The following TTC21B variants were observed in gnomAD, a reference collection of about 807,000 sequenced individuals.
The protein encoded by TTC21B is tetratricopeptide repeat domain 21B.
In TTC21B, 127 loss-of-function variants were observed where a neutral mutation model predicts 175.1. The ratio of observed to expected loss-of-function variants is 0.73; its 90% confidence interval spans 0.63 to 0.84. The LOEUF is 0.84. TTC21B is among the 40% of genes least tolerant of loss of function. The probability of loss-of-function intolerance (pLI) is 0.00; values close to 1 mark genes in which losing one functional copy is unlikely to be tolerated. For missense variants in TTC21B, 1,561 were observed against 1,558.3 expected (o/e 1.00, Z -0.03); for synonymous variants, 524 against 524.5 (o/e 1.00, Z 0.01).
At position 165,932,964 on chromosome 2, in the gene TTC21B, GC is replaced by G. The variant is rs1686967605; in HGVS notation, c.795+8del. ...ATATAGGAAACTTAAATAATACAATGCCACTTACCTTCTCTATATCCCCCTC... is the reference window on the plus strand; with the variant it reads ...ATATAGGAAACTTAAATAATACAATGCACTTACCTTCTCTATATCCCCCTC... On this transcript the variant is annotated splice_region_variant and intron_variant, in intron 7 of 28. Transcript: ENST00000243344. 6.2e-7 allele frequency: 1 copy of G among 1,608,196 alleles called. No homozygotes were observed. The highest frequency in any genetic ancestry group is 1.3e-5 in the African/African-American group (1 of 74,790).
At chr2:165,948,053 G>A (rs1200129580) in intron 3 of TTC21B, 1 of 152,128 alleles carries the variant, frequency 6.6e-6, no homozygotes, top group African/African-American at 2.4e-5. Flanking sequence ...ACTCCCACTG[G>A]AGTACGGAGA....
chr2:165,888,580 T>A lies in TTC21B; in HGVS notation c.3264-106A>T, dbSNP rs890416816. The A allele has an allele frequency of 5.0e-6, 4 of 796,968 alleles. No homozygotes were observed. The South Asian group carries it at 6.2e-5, about 12-fold the overall frequency. 49.4% of individuals were successfully genotyped at this position (796,968 alleles called of 1,614,324 possible). On this transcript the variant is annotated intron_variant, in intron 24 of 28. Transcript: ENST00000243344. The stretch of plus-strand genomic sequence containing the variant: ...AAAAGCTCTGGGCACTCTTTTATAC[T>A]CTTTTTGTCACTCATTTAAAAGTAA...
At chr2:165,920,740 G>GAAATATTTTAAATATTTAAAATATTTT (rs1686358759) in intron 12 of TTC21B, among the ~76,000 whole-genome samples, 1 of 57,654 alleles carries the variant, frequency 1.7e-5, no homozygotes, top group Non-Finnish European at 4.6e-5. Flanking sequence ...ATGTAGGGTA[G>GAAATATTTTAAATATTTAAAATATTTT]GATACTAAAT....
At position 165,873,369 on chromosome 2, in the gene TTC21B, T is replaced by C. The variant is rs1238011273; in HGVS notation, c.*1386A>G. On this transcript the variant is annotated 3_prime_UTR_variant, in exon 29 of 29. Coordinates refer to ENST00000243344, the MANE Select transcript of TTC21B (RefSeq NM_024753.5). ...TTAATAAAAAGCAGCAAATGACTTATAAATACTGTTTATTGTAAATGCAAA... is the reference window on the plus strand; with the variant it reads ...TTAATAAAAAGCAGCAAATGACTTACAAATACTGTTTATTGTAAATGCAAA... 5 of 152,212 alleles carry C rather than the reference T, an allele frequency of 3.3e-5. No homozygotes were observed. The highest frequency in any genetic ancestry group is 1.2e-4 in the African/African-American group (5 of 41,462). The allele number at this position is 152,212 out of a possible 1,614,324, so 9.4% of individuals were successfully genotyped here.
Position 165,929,215 on chromosome 2 carries a change from C to T in TTC21B, c.1306G>A (p.Gly436Ser). 2 of 1,613,020 alleles carry T rather than the reference C, an allele frequency of 1.2e-6. No homozygotes were observed. Among genetic ancestry groups the T allele is most frequent in the Non-Finnish European group, 8.5e-7 (1 of 1,179,344 alleles). Residue 436 changes from glycine (G) to serine (S), a missense_variant, in exon 11 of 29, where the codon GGC (glycine) becomes AGC (serine). Coordinates refer to ENST00000243344, the MANE Select transcript of TTC21B (RefSeq NM_024753.5). ...HFSQLEGLPLGIQYFEKLNPD... is the reference protein window; with the variant it reads ...HFSQLEGLPLSIQYFEKLNPD... The stretch of plus-strand genomic sequence containing the variant: ...TTTAGCTTTTCAAAATACTGTATGC[C>T]AAGAGGCAAACCTTCTAATTGTGAA...
At position 165,949,468 on chromosome 2, in the gene TTC21B, A is replaced by G. The variant is rs1297270462; in HGVS notation, c.188T>C (p.Ile63Thr). The G allele has an allele frequency of 3.7e-6, 6 of 1,613,780 alleles. No individual in the cohort carries two copies. The highest frequency in any genetic ancestry group is 2.7e-5 in the African/African-American group (2 of 74,930). Residue 63 changes from isoleucine to threonine, a missense_variant, in exon 3 of 29, where the codon ATT becomes ACT. Coordinates refer to ENST00000243344, the MANE Select transcript of TTC21B (RefSeq NM_024753.5). ...TQEALREFEAIKNKQDVSLCS... is the reference protein window; with the variant it reads ...TQEALREFEATKNKQDVSLCS... Reference sequence around the variant, plus strand: ...AAGTGATACATCTTGTTTATTTTTAATAGCCTCAAATTCTCGAAGAGCTTC... The same window carrying G: ...AAGTGATACATCTTGTTTATTTTTAGTAGCCTCAAATTCTCGAAGAGCTTC...
At chr2:165,915,785 C>G (rs1446333848) in intron 14 of TTC21B, among the ~76,000 whole-genome samples, 1 of 152,164 alleles carries the variant, frequency 6.6e-6, no homozygotes, top group Non-Finnish European at 1.5e-5. Context: ...GCAGATTATT[C>G]CCTCCACCAG....
At chr2:165,931,939 T>C in intron 7 of TTC21B, 83 bp from the exon 8 acceptor site, 1 of 881,186 alleles carries the variant, frequency 1.1e-6, no homozygotes, top group Non-Finnish European at 1.9e-6. Flanking sequence ...TAACAAAGCA[T>C]TACCCTACTA....
intron 22 of TTC21B, 68 bp from the exon 23 acceptor site, chr2:165,891,056 A>G (rs1685175370): frequency 7.6e-7 from 1 of 1,323,962 alleles, no homozygotes; most frequent in Non-Finnish European, 1.1e-6. Context: ...TTATAATTCT[A>G]CTTCATTAGA....
intron 11 of TTC21B, among the ~76,000 whole-genome samples, chr2:165,925,539 A>C (rs1686595988): frequency 6.6e-6 from 1 of 152,202 alleles, no homozygotes; most frequent in South Asian, 2.1e-4. Flanking sequence ...TTCTTATGGA[A>C]AATTACTCCT....
At chr2:165,900,004 T>TAAA in intron 20 of TTC21B, 124 bp from the exon 21 acceptor site, 2 of 99,002 alleles carry the variant, frequency 2.0e-5, no homozygotes, top group Non-Finnish European at 3.6e-5. Flanking sequence ...CCAAGTATAA[T>TAAA]AGACAAAAAA....
At chr2:165,890,405 C>A in intron 24 of TTC21B, 74 bp downstream of exon 24, 1 of 1,437,124 alleles carries the variant, frequency 7.0e-7, no homozygotes, top group South Asian at 1.2e-5. Context: ...AAATTTAGTT[C>A]TTTTGTATAG....
chr2:165,884,088 G>GA (rs1329154794), intron 25 of TTC21B, 70 bp from the exon 26 acceptor site: 1 of 1,223,562 alleles, frequency 8.2e-7, no homozygotes, highest in African/African-American at 1.5e-5. Context: ...ACAGAAAGCA[G>GA]AAAATGCTAC....
chr2:165,875,649 T>C (rs1684643434), intron 28 of TTC21B, among the ~76,000 whole-genome samples: 1 of 152,170 alleles, frequency 6.6e-6, no homozygotes, highest in African/African-American at 2.4e-5. Context: ...ATAGAATTCC[T>C]TTTTATCTCT....
In TTC21B at chr2:165,911,330, G is replaced by A. The variant is rs1333079418; in HGVS notation, c.2458C>T (p.Pro820Ser). ...CAAACCAGAAAGACTTTCATACCAG[G>A]TTCATGAGCCAGAGCATGCTGAAGA... ...KVLQHALAHE[P>S]VNELSALMED... is the part of the protein sequence containing the mutation. Residue 820 changes from proline to serine, a missense_variant, in exon 18 of 29, where the codon CCT becomes TCT. Pro to Ser is a moderately conservative substitution (Grantham distance 74). Transcript: ENST00000243344. 1.2e-6 allele frequency: 2 copies of A among 1,613,642 alleles called. No homozygotes were observed. The highest frequency in any genetic ancestry group is 2.2e-5 in the East Asian group (1 of 44,804).
At chr2:165,899,960 ACTTTAGTTGACC>A in intron 20 of TTC21B, 80 bp from the exon 21 acceptor site, 1 of 782,872 alleles carries the variant, frequency 1.3e-6, no homozygotes. Context: ...TACAGATTAA[ACTTTAGTTGACC>A]AAAAGTCATT....
intron 1 of TTC21B, among the ~76,000 whole-genome samples, 200 bp downstream of exon 1, chr2:165,953,485 G>C (rs1416000066): frequency 1.3e-5 from 2 of 152,204 alleles, no homozygotes; most frequent in Non-Finnish European, 2.9e-5. Flanking sequence ...GCCCAGACCT[G>C]GGCTTCCCCA....
chr2:165,933,118 G>C, intron 6 of TTC21B, 61 bp from the exon 7 acceptor site: 1 of 1,512,292 alleles, frequency 6.6e-7, no homozygotes, highest in Non-Finnish European at 9.0e-7. Context: ...TTATTCGAGG[G>C]CATGAAAAGT....
chr2:165,882,251 T>C (rs80132915), intron 26 of TTC21B, among the ~76,000 whole-genome samples: 2,176 of 152,312 alleles, frequency 0.014, 167 homozygotes, highest in East Asian at 0.12. Context: ...ATGTCTATGA[T>C]GAGAAACGTC....
Sources: allele counts gnomAD v4.1 joint callset (sites outside exome capture counted in the v4.1 genomes callset), GRCh38; gene constraint gnomAD v4.1.1; transcripts MANE v1.5; gene names NCBI Gene and HGNC (gene_info 2026-07-23, HGNC 2026-07-21).